The following ARHGAP11B variants were observed in gnomAD, a reference collection of about 807,000 sequenced individuals.
ARHGAP11B encodes the protein inactive Rho GTPase-activating protein 11B.
A neutral mutation model predicts 27.6 loss-of-function variants in ARHGAP11B; 14 were observed. The observed-to-expected ratio is 0.51, with a 90% CI of 0.34 to 0.79. The LOEUF is 0.79. Ranked by LOEUF, ARHGAP11B falls within the 30% of genes least tolerant of loss-of-function variation. The probability of loss-of-function intolerance (pLI) is 0.02; values close to 1 mark genes in which losing one functional copy is unlikely to be tolerated. For missense variants in ARHGAP11B, 245 were observed against 320.1 expected (o/e 0.77, Z 1.79); for synonymous variants, 82 against 114.1 (o/e 0.72, Z 1.80).
At chr15:30,637,945 A>G (rs1389119469) in intron 6 of ARHGAP11B, among the ~76,000 whole-genome samples, 1 of 150,490 alleles carries the variant, frequency 6.6e-6, no homozygotes, top group Non-Finnish European at 1.5e-5. Context: ...TCAGTCTCCC[A>G]AGTAGCTGGG....
At chr15:30,639,573 C>T (rs943919187) in intron 7 of ARHGAP11B, among the ~76,000 whole-genome samples, 1 of 151,956 alleles carries the variant, frequency 6.6e-6, no homozygotes, top group Non-Finnish European at 1.5e-5. Flanking sequence ...GTTGTCAACT[C>T]TGCAGTAGAA....
At chr15:30,644,642 A>G in exon 8 of ARHGAP11B, 1 of 1,583,046 alleles carries the variant, frequency 6.3e-7, no homozygotes, top group South Asian at 1.1e-5. Context: ...ACCACAGATA[A>G]TGAAACAACC....
At chr15:30,626,244 G>A (rs917766875) in exon 1 of ARHGAP11B, 2 of 152,824 alleles carry the variant, frequency 1.3e-5, no homozygotes, top group African/African-American at 4.8e-5. Flanking sequence ...GATGGGGGAG[G>A]GAACGAGCAG....
chr15:30,638,042 A>G (rs568714449), intron 6 of ARHGAP11B, among the ~76,000 whole-genome samples: 1 of 151,048 alleles, frequency 6.6e-6, no homozygotes, highest in East Asian at 2.0e-4. Flanking sequence ...CTGGTCTCTA[A>G]CTCCGGACAT....
chr15:30,643,226 G>A (rs1450352477), intron 7 of ARHGAP11B, among the ~76,000 whole-genome samples: 1 of 150,420 alleles, frequency 6.6e-6, no homozygotes, highest in African/African-American at 2.4e-5. Context: ...AGTCTTTCAT[G>A]GTTTTGTCAG....
At chr15:30,638,839 C>T (rs2060297744) in intron 7 of ARHGAP11B, 29 bp downstream of exon 7, 1 of 1,271,548 alleles carries the variant, frequency 7.9e-7, no homozygotes, top group Non-Finnish European at 1.1e-6. Context: ...TTATTATATG[C>T]ATTTATTTAA....
At chr15:30,646,656 G>A (rs112987052) in intron 9 of ARHGAP11B, among the ~76,000 whole-genome samples, 3,159 of 139,592 alleles carry the variant, frequency 0.023, 115 homozygotes, top group African/African-American at 0.082. Flanking sequence ...GCGAGACTCC[G>A]TCTCAAAAAA....
At chr15:30,627,879 CTT>C (rs1466307027) in intron 1 of ARHGAP11B, among the ~76,000 whole-genome samples, 1 of 151,904 alleles carries the variant, frequency 6.6e-6, no homozygotes, top group African/African-American at 2.4e-5. Context: ...ATGTGTGTCT[CTT>C]AATCGCTGAT....
intron 1 of ARHGAP11B, among the ~76,000 whole-genome samples, chr15:30,628,418 C>A (rs2060223340): frequency 6.6e-6 from 1 of 152,040 alleles, no homozygotes; most frequent in Admixed American, 6.6e-5. Context: ...TGCCTGTTTT[C>A]AGAGTCGGAT....
At chr15:30,627,582 G>A (rs1295507135) in intron 1 of ARHGAP11B, among the ~76,000 whole-genome samples, 3 of 151,640 alleles carry the variant, frequency 2.0e-5, no homozygotes, top group African/African-American at 7.3e-5. Context: ...TTTTTTGTAT[G>A]AGTAAATTGA....
chr15:30,648,448 G>A (rs1415238151), exon 11 of ARHGAP11B, among the ~76,000 whole-genome samples: 2 of 151,942 alleles, frequency 1.3e-5, no homozygotes, highest in Admixed American at 6.6e-5. Flanking sequence ...AATGACATAG[G>A]TTTAGGATTC....
intron 1 of ARHGAP11B, among the ~76,000 whole-genome samples, chr15:30,627,613 G>A (rs905847866): frequency 6.6e-6 from 1 of 151,932 alleles, no homozygotes; most frequent in African/African-American, 2.4e-5. Context: ...TGGAATAATT[G>A]AGAAGTTGTT....
chr15:30,648,218 G>A (rs1055275177), intron 10 of ARHGAP11B, among the ~76,000 whole-genome samples: 4 of 151,928 alleles, frequency 2.6e-5, no homozygotes, highest in African/African-American at 4.8e-5. Context: ...CATGTAGCAC[G>A]TAGCTTCCCT....
intron 6 of ARHGAP11B, among the ~76,000 whole-genome samples, chr15:30,638,449 C>T (rs2140901992): frequency 6.6e-6 from 1 of 151,596 alleles, no homozygotes; most frequent in Admixed American, 6.6e-5. Flanking sequence ...CATCTTTTGC[C>T]TTAACATGTA....
intron 1 of ARHGAP11B, among the ~76,000 whole-genome samples, chr15:30,628,092 T>G (rs1404323807): frequency 1.3e-5 from 2 of 150,844 alleles, no homozygotes; most frequent in East Asian, 2.0e-4. Flanking sequence ...TTTTTTTTTT[T>G]GTTTTTGAGA....
At chr15:30,634,498 C>T in intron 4 of ARHGAP11B, 75 bp downstream of exon 4, 1 of 1,452,430 alleles carries the variant, frequency 6.9e-7, no homozygotes, top group Non-Finnish European at 9.3e-7. Context: ...TAGATATGTA[C>T]AATTTCATTT....
intron 7 of ARHGAP11B, among the ~76,000 whole-genome samples, chr15:30,641,189 A>G (rs1404406361): frequency 1.1e-4 from 16 of 152,038 alleles, no homozygotes; most frequent in Admixed American, 4.6e-4. Flanking sequence ...CTTTGACCCT[A>G]CTTTCTCAGC....
rs980562569 is a variant in ARHGAP11B at position 30,626,762 on chromosome 15, T to A, written c.-59T>A. On this transcript the variant is annotated 5_prime_UTR_variant, in exon 1 of 11. It adds an upstream start codon to the 5' untranslated region. Transcript: ENST00000428041. ...TGAGAGCGTTTGGAAATTGGAAGACTTGGTGGCGAACGAGGGTCAGGACCT... is the reference window on the plus strand; with the variant it reads ...TGAGAGCGTTTGGAAATTGGAAGACATGGTGGCGAACGAGGGTCAGGACCT... 2.0e-5 allele frequency: 32 copies of A among 1,562,366 alleles called. No homozygotes were observed. The highest frequency in any genetic ancestry group is 2.8e-5 in the Non-Finnish European group (32 of 1,153,742).
exon 9 of ARHGAP11B, chr15:30,646,226 T>G: frequency 9.5e-7 from 1 of 1,050,018 alleles, no homozygotes; most frequent in Non-Finnish European, 1.2e-6. Flanking sequence ...CCAAGTTTAA[T>G]CTCCTTTGCT....
Sources: gnomAD v4.1 joint callset for allele counts (sites outside exome capture counted in the v4.1 genomes callset) on GRCh38, gnomAD v4.1.1 for gene constraint, MANE v1.5 for transcripts, NCBI Gene and HGNC (gene_info 2026-07-23, HGNC 2026-07-21) for gene names.